Variants in TRIO observed in about 807,000 individuals in gnomAD.
The protein encoded by TRIO is triple functional domain protein.
Under a neutral mutation model 351.9 loss-of-function variants are expected in TRIO, and 58 were observed. That is an observed-to-expected ratio of 0.16 (90% CI 0.13 to 0.21). The LOEUF (loss-of-function observed/expected upper bound fraction) is 0.21, where lower values mean the gene tolerates loss of function less well. Ranked by LOEUF, TRIO falls within the 10% of genes least tolerant of loss-of-function variation. TRIO has a pLI of 1.00. For missense variants in TRIO, 3,201 were observed against 4,027.8 expected, an observed-to-expected ratio of 0.79 and a Z score of 5.56; for synonymous variants, 1,758 against 1,595.7, an observed-to-expected ratio of 1.10 and a Z score of -2.42.
chr5:14,434,722 A>T (rs75555823), intron 34 of TRIO, among the ~76,000 whole-genome samples: 1 of 152,302 alleles, frequency 6.6e-6, no homozygotes, highest in Non-Finnish European at 1.5e-5. Context: ...TTAAGAATCC[A>T]CATTGTATTT....
intron 34 of TRIO, among the ~76,000 whole-genome samples, chr5:14,439,576 G>A (rs1751861507): frequency 6.6e-6 from 1 of 152,154 alleles, no homozygotes; most frequent in African/African-American, 2.4e-5. Context: ...CAATTAACTT[G>A]ATTTCCTTTA....
intron 6 of TRIO, among the ~76,000 whole-genome samples, chr5:14,294,930 A>AG (rs1232713793): frequency 7.2e-5 from 11 of 151,846 alleles, no homozygotes; most frequent in South Asian, 4.1e-4. Context: ...TTTTTTTGGG[A>AG]GGGGGGTCGA....
intron 34 of TRIO, among the ~76,000 whole-genome samples, chr5:14,437,270 C>T (rs1303081049): frequency 2.0e-5 from 3 of 152,172 alleles, no homozygotes; most frequent in African/African-American, 7.2e-5. Flanking sequence ...CTAACCCATA[C>T]TCATGGAAGA....
intron 9 of TRIO, among the ~76,000 whole-genome samples, chr5:14,317,996 G>A (rs971401011): frequency 6.6e-6 from 1 of 151,962 alleles, no homozygotes; most frequent in Non-Finnish European, 1.5e-5. Flanking sequence ...GTGTGGTGGC[G>A]CATGCCTGTA....
chr5:14,217,413 T>A (rs1792294197), intron 1 of TRIO, among the ~76,000 whole-genome samples: 2 of 152,054 alleles, frequency 1.3e-5, no homozygotes, highest in African/African-American at 2.4e-5. Context: ...AGAGTGAGAG[T>A]TGTTGCATTG....
At chr5:14,490,910 A>G (rs772992982) in intron 48 of TRIO, 13 of 454,102 alleles carry the variant, frequency 2.9e-5, no homozygotes, top group Non-Finnish European at 4.4e-5. Context: ...ACTAAAGTCC[A>G]TGCTAAAAGT....
At chr5:14,213,888 C>G (rs1255140188) in intron 1 of TRIO, among the ~76,000 whole-genome samples, 1 of 152,218 alleles carries the variant, frequency 6.6e-6, no homozygotes, top group Non-Finnish European at 1.5e-5. Flanking sequence ...AGGAGACTGA[C>G]AGTGAGGGAC....
chr5:14,426,638 T>G (rs1338899925), intron 34 of TRIO, among the ~76,000 whole-genome samples: 3 of 152,104 alleles, frequency 2.0e-5, no homozygotes, highest in South Asian at 4.1e-4. Flanking sequence ...ACAACACAGG[T>G]GTTTTAAACC....
chr5:14,350,855 A>T (rs772947128), intron 11 of TRIO, among the ~76,000 whole-genome samples: 4 of 152,142 alleles, frequency 2.6e-5, no homozygotes, highest in Non-Finnish European at 5.9e-5. Flanking sequence ...ATTTTTCCAC[A>T]GACCAGCGGT....
At chr5:14,245,340 A>ATGTG (rs1794371353) in intron 1 of TRIO, among the ~76,000 whole-genome samples, 1 of 152,172 alleles carries the variant, frequency 6.6e-6, no homozygotes, top group Admixed American at 6.5e-5. Flanking sequence ...TTCTTCTTGA[A>ATGTG]TGTGTGTGAT....
At chr5:14,179,034 C>G (rs572302522) in intron 1 of TRIO, among the ~76,000 whole-genome samples, 1 of 152,294 alleles carries the variant, frequency 6.6e-6, no homozygotes, top group East Asian at 1.9e-4. Flanking sequence ...CTTTGTACTC[C>G]CCCCACCCCC....
intron 10 of TRIO, among the ~76,000 whole-genome samples, chr5:14,331,708 G>A (rs1276997980): frequency 2.6e-5 from 4 of 152,082 alleles, no homozygotes; most frequent in Admixed American, 2.6e-4. Context: ...TTTTAGACAC[G>A]GCTGCAGTCA....
rs1414623667 is a variant in TRIO, at chr5:14,473,982, G to A, written c.5980-12G>A. ...TCCATGAAATACACTTATCATAACT[G>A]TTTAATTGTAGGGCTACATGGCACT... On this transcript the variant is annotated splice_polypyrimidine_tract_variant and intron_variant, in intron 39 of 56. Transcript: ENST00000344204. 1 of 1,609,382 alleles carries A rather than the reference G, an allele frequency of 6.2e-7. No individual in the cohort carries two copies. Among genetic ancestry groups the A allele is most frequent in the Non-Finnish European group, 8.5e-7 (1 of 1,176,194 alleles).
chr5:14,248,065 C>CAAA (rs71599612), intron 1 of TRIO, among the ~76,000 whole-genome samples: 13 of 132,368 alleles, frequency 9.8e-5, no homozygotes, highest in African/African-American at 1.1e-4. Flanking sequence ...GACTCCGTCT[C>CAAA]AAAAAAAAAA....
intron 9 of TRIO, among the ~76,000 whole-genome samples, chr5:14,328,434 G>A (rs1740601399): frequency 6.6e-6 from 1 of 152,114 alleles, no homozygotes; most frequent in Admixed American, 6.5e-5. Context: ...AAAACAATGT[G>A]CTCAATACAC....
intron 31 of TRIO, among the ~76,000 whole-genome samples, chr5:14,403,880 C>G (rs1367731041): frequency 7.8e-5 from 3 of 38,340 alleles, no homozygotes; most frequent in Admixed American, 2.8e-4. Context: ...GGTGAGGGTG[C>G]AGGTGGTGGT....
chr5:14,281,744 G>A lies in TRIO; in HGVS notation c.347+1308G>A, dbSNP rs939798946. Among the ~76,000 whole-genome samples the A allele has an allele frequency of 3.3e-5, 5 of 152,258 alleles. No homozygotes were observed. In the East Asian group the frequency reaches 7.7e-4, roughly 24 times the overall value. ...CTGAAGGGCATCAGTGGCAGCCATG[G>A]TAGAGTGAGAGGAGGTGTTTCCTAA... On this transcript the variant is annotated intron_variant, in intron 3 of 56. Transcript: ENST00000344204.
chr5:14,285,833 C>T (rs1003167923), intron 3 of TRIO, among the ~76,000 whole-genome samples: 3 of 152,200 alleles, frequency 2.0e-5, no homozygotes, highest in Non-Finnish European at 4.4e-5. Flanking sequence ...TACCTGGTTA[C>T]TGTCTGGTGC....
Position 14,471,361 on chromosome 5 carries a change from A to G in TRIO, c.5807A>G (p.Asp1936Gly), listed in dbSNP as rs1754670939. The G allele has an allele frequency of 2.5e-6, 4 of 1,613,936 alleles. No homozygotes were observed. The highest frequency in any genetic ancestry group is 1.3e-5 in the African/African-American group (1 of 74,890). The change falls in exon 38 of 57, where the codon GAT (aspartate) becomes GGT (glycine). Residue 1936 changes from aspartate to glycine, a missense_variant. This residue lies in a region of TRIO where 307 missense variants were observed against 396.5 expected (regional missense o/e 0.77). Coordinates refer to ENST00000344204, the MANE Select transcript of TRIO (RefSeq NM_007118.4). Reference protein sequence around the residue: ...RPSSLLVDQGDSSSPSFNPSD... With the variant: ...RPSSLLVDQGGSSSPSFNPSD... ...AGCTCACTCCTTGTTGACCAGGGAGATAGTAGCAGCCCTTCCTTCAACCCT... is the reference window on the plus strand; with the variant it reads ...AGCTCACTCCTTGTTGACCAGGGAGGTAGTAGCAGCCCTTCCTTCAACCCT...
Sources: gnomAD v4.1 joint callset for allele counts (sites outside exome capture counted in the v4.1 genomes callset) on GRCh38, gnomAD v4.1.1 for gene constraint, gnomAD v4.1.1 regional missense constraint, MANE v1.5 for transcripts, NCBI Gene and HGNC (gene_info 2026-07-23, HGNC 2026-07-21) for gene names.